COMMD1: variants seen among roughly 807,000 people sequenced by gnomAD.
COMMD1 encodes COMM domain-containing protein 1.
In COMMD1, 10 loss-of-function variants were observed where a neutral mutation model predicts 17.2. The ratio of observed to expected loss-of-function variants is 0.58; its 90% confidence interval spans 0.36 to 0.99. COMMD1 has a LOEUF of 0.99. COMMD1 is among the 50% of genes least tolerant of loss of function. COMMD1 has a pLI of 0.01. For synonymous variants in COMMD1, 97 were observed against 91.6 expected (o/e 1.06, Z -0.34); for missense variants, 270 against 231.8 (o/e 1.17, Z -1.07).
chr2:62,008,387 C>CATAT (rs1363540562), intron 2 of COMMD1, among the ~76,000 whole-genome samples: 6 of 143,510 alleles, frequency 4.2e-5, no homozygotes, highest in Admixed American at 2.8e-4. Flanking sequence ...CACACACACA[C>CATAT]ACATATATAT....
intron 1 of COMMD1, among the ~76,000 whole-genome samples, chr2:61,954,710 C>G (rs1178041121): frequency 1.3e-5 from 2 of 151,536 alleles, no homozygotes; most frequent in Non-Finnish European, 2.9e-5. Context: ...GAGACAAAGT[C>G]TCGCTCTCTT....
At chr2:61,905,393 A>T (rs1669744255), upstream of COMMD1, among the ~76,000 whole-genome samples, 1 of 152,244 alleles carries the variant, frequency 6.6e-6, no homozygotes. Context: ...CATCTCCAGT[A>T]ATCTCTGCGA....
chr2:62,019,002 T>G (rs1490942588), intron 2 of COMMD1, among the ~76,000 whole-genome samples: 1 of 143,196 alleles, frequency 7.0e-6, no homozygotes, highest in Non-Finnish European at 1.5e-5. Flanking sequence ...GCAAACCCAC[T>G]CCTACAACCA....
intron 1 of COMMD1, among the ~76,000 whole-genome samples, chr2:61,971,624 C>T (rs1671654466): frequency 6.6e-6 from 1 of 152,130 alleles, no homozygotes; most frequent in Non-Finnish European, 1.5e-5. Flanking sequence ...TGATATCCCA[C>T]AGTTGTCCAG....
chr2:61,892,126 C>T (rs907094487), intron 1 of COMMD1, among the ~76,000 whole-genome samples: 13 of 151,866 alleles, frequency 8.6e-5, no homozygotes, highest in East Asian at 2.0e-4. Context: ...CCACCATGCC[C>T]GGCCAGCTTT....
intron 1 of COMMD1, among the ~76,000 whole-genome samples, chr2:61,910,658 A>G (rs562422746): frequency 6.6e-6 from 1 of 152,314 alleles, no homozygotes; most frequent in African/African-American, 2.4e-5. Flanking sequence ...GGATATGCTC[A>G]ATTCCAGTAA....
At chr2:61,908,469 C>T (rs1017052544) in intron 1 of COMMD1, among the ~76,000 whole-genome samples, 12 of 152,150 alleles carry the variant, frequency 7.9e-5, no homozygotes, top group African/African-American at 2.4e-4. Context: ...TCATGATCTG[C>T]CTGCCTCAGC....
intron 2 of COMMD1, among the ~76,000 whole-genome samples, chr2:62,134,501 C>G (rs908904898): frequency 6.6e-6 from 1 of 151,430 alleles, no homozygotes. Context: ...CAAGATAATG[C>G]AGATGTAGAA....
intron 1 of COMMD1, among the ~76,000 whole-genome samples, chr2:61,890,595 C>T (rs1336608273): frequency 6.6e-6 from 1 of 152,056 alleles, no homozygotes; most frequent in African/African-American, 2.4e-5. Context: ...AATCCCAGCA[C>T]TTTGGGAGGC....
chr2:62,081,028 T>A (rs1422011746), intron 2 of COMMD1, among the ~76,000 whole-genome samples: 1 of 152,016 alleles, frequency 6.6e-6, no homozygotes, highest in Non-Finnish European at 1.5e-5. Flanking sequence ...AAAAAAAAAA[T>A]TCTATATGTA....
chr2:61,963,169 A>AAAT (rs1553373128), intron 1 of COMMD1, among the ~76,000 whole-genome samples: 2,720 of 143,524 alleles, frequency 0.019, 59 homozygotes, highest in African/African-American at 0.047. Context: ...CAAAAAAAAA[A>AAAT]ATATATATAT....
At chr2:62,038,692 GCATACATCA>G (rs1346312037) in intron 2 of COMMD1, among the ~76,000 whole-genome samples, 1 of 151,996 alleles carries the variant, frequency 6.6e-6, no homozygotes, top group Non-Finnish European at 1.5e-5. Context: ...GGACTTACAG[GCATACATCA>G]CCACGCCTGG....
intron 1 of COMMD1, among the ~76,000 whole-genome samples, chr2:61,971,878 T>C (rs866044394): frequency 6.6e-6 from 1 of 152,182 alleles, no homozygotes; most frequent in African/African-American, 2.4e-5. Flanking sequence ...CCCAGCACTT[T>C]GGTTGGCCAA....
intron 1 of COMMD1, among the ~76,000 whole-genome samples, chr2:61,919,675 G>A (rs1275256268): frequency 6.6e-6 from 1 of 151,792 alleles, no homozygotes; most frequent in Non-Finnish European, 1.5e-5. Flanking sequence ...AGGAACTGGT[G>A]CCCTGAGTTT....
chr2:62,065,769 CT>C (rs1302271696), intron 2 of COMMD1, among the ~76,000 whole-genome samples: 1 of 152,114 alleles, frequency 6.6e-6, no homozygotes, highest in African/African-American at 2.4e-5. Context: ...CAGGGTGAAA[CT>C]TTTGATAGAT....
intron 1 of COMMD1, among the ~76,000 whole-genome samples, chr2:61,922,064 A>T (rs779764110): frequency 1.3e-5 from 2 of 152,228 alleles, no homozygotes; most frequent in African/African-American, 4.8e-5. Context: ...AAAATTGTAG[A>T]AAATGATCAG....
chr2:62,004,483 A>G (rs996007977), intron 2 of COMMD1, among the ~76,000 whole-genome samples: 1 of 151,952 alleles, frequency 6.6e-6, no homozygotes, highest in African/African-American at 2.4e-5. Flanking sequence ...TTGTATTTTT[A>G]GTAGAGATGG....
chr2:62,134,667 A>G (rs903879038), intron 2 of COMMD1, among the ~76,000 whole-genome samples: 1 of 151,444 alleles, frequency 6.6e-6, no homozygotes, highest in African/African-American at 2.4e-5. Context: ...AGTCCTAGCT[A>G]CTCAGGAGGC....
chr2:62,021,074 C>G (rs898858253), intron 2 of COMMD1, among the ~76,000 whole-genome samples: 3 of 151,930 alleles, frequency 2.0e-5, no homozygotes, highest in Non-Finnish European at 4.4e-5. Flanking sequence ...CTTTAGGAGG[C>G]CTTTTGTCTA....
Sources: gnomAD v4.1 joint callset for allele counts (sites outside exome capture counted in the v4.1 genomes callset) on GRCh38, gnomAD v4.1.1 for gene constraint, MANE v1.5 for transcripts, NCBI Gene and HGNC (gene_info 2026-07-23, HGNC 2026-07-21) for gene names.